The following CNST variants were observed in gnomAD, a reference collection of about 807,000 sequenced individuals.
CNST encodes the protein consortin, connexin sorting protein.
CNST carries 39 observed loss-of-function variants against 72.4 expected under a neutral mutation model. The ratio of observed to expected loss-of-function variants is 0.54; its 90% CI spans 0.42 to 0.70. CNST has a LOEUF of 0.70. CNST is among the 30% of genes least tolerant of loss of function. The probability of loss-of-function intolerance (pLI) is 0.00; values close to 1 mark genes in which losing one functional copy is unlikely to be tolerated. For missense variants in CNST, 871 were observed against 868.5 expected, an observed-to-expected ratio of 1.00 and a Z score of -0.04; for synonymous variants, 332 against 320.1, an observed-to-expected ratio of 1.04 and a Z score of -0.40.
intron 1 of CNST, among the ~76,000 whole-genome samples, chr1:246,570,436 C>T (rs1659997561): frequency 6.6e-6 from 1 of 152,182 alleles, no homozygotes; most frequent in South Asian, 2.1e-4. Context: ...CTAAATTAGC[C>T]TGAAGGCCTA....
chr1:246,567,999 T>G (rs1234729613), intron 1 of CNST, among the ~76,000 whole-genome samples: 7 of 152,120 alleles, frequency 4.6e-5, no homozygotes, highest in Middle Eastern at 3.2e-3. Context: ...TTTCTGACTT[T>G]TTAAAAAAAA....
intron 10 of CNST, among the ~76,000 whole-genome samples, chr1:246,664,718 A>T (rs113643248): frequency 1.2e-3 from 179 of 152,070 alleles, no homozygotes; most frequent in Non-Finnish European, 2.1e-3. Context: ...GAGCCACCAC[A>T]CCCAGCCTTA....
chr1:246,654,915 C>G (rs1004502206), intron 9 of CNST, among the ~76,000 whole-genome samples: 1 of 152,016 alleles, frequency 6.6e-6, no homozygotes, highest in Admixed American at 6.6e-5. Context: ...AGTCCCTGCT[C>G]TCATAAAGCT....
intron 8 of CNST, among the ~76,000 whole-genome samples, chr1:246,645,719 G>T (rs563792432): frequency 6.6e-6 from 1 of 151,880 alleles, no homozygotes; most frequent in Non-Finnish European, 1.5e-5. Flanking sequence ...GAGCCACCGC[G>T]CCCGGCCAAA....
intron 6 of CNST, 134 bp from the exon 7 acceptor site, chr1:246,641,615 G>A (rs934239616): frequency 1.1e-4 from 69 of 614,334 alleles, no homozygotes; most frequent in African/African-American, 9.6e-4. Context: ...TGTTTCAGCC[G>A]TGGAAATGTT....
intron 1 of CNST, among the ~76,000 whole-genome samples, chr1:246,583,416 T>C (rs1660924017): frequency 6.6e-6 from 1 of 152,202 alleles, no homozygotes; most frequent in African/African-American, 2.4e-5. Context: ...TGTAGCAAAG[T>C]TTTTTTGAGA....
At chr1:246,589,369 G>A (rs1258508648) in intron 1 of CNST, among the ~76,000 whole-genome samples, 2 of 150,662 alleles carry the variant, frequency 1.3e-5, no homozygotes, top group Admixed American at 6.7e-5. Context: ...GCGGTGTTTG[G>A]TTTTTTGTCC....
At chr1:246,634,174 T>C (rs573212933) in intron 5 of CNST, 164 bp downstream of exon 5, 3 of 582,170 alleles carry the variant, frequency 5.2e-6, no homozygotes, top group East Asian at 5.7e-5. Flanking sequence ...GTCTATTATA[T>C]TGTGAGAAGA....
chr1:246,586,383 CAA>C (rs1661200980), intron 1 of CNST, among the ~76,000 whole-genome samples: 1 of 146,502 alleles, frequency 6.8e-6, no homozygotes, highest in African/African-American at 2.5e-5. Context: ...AGATCTATAT[CAA>C]AGATATATCA....
chr1:246,631,797 A>G lies in CNST; in HGVS notation c.586-97A>G, dbSNP rs570921879. On this transcript the variant is annotated intron_variant, in intron 3 of 10. Coordinates refer to ENST00000366513, the MANE Select transcript of CNST (RefSeq NM_152609.3). ...AAAGAGTTTTCTTAATTTGATATCA[A>G]AAACATTTGGAATTTCAAGATCTTA... 9.5e-6 allele frequency: 8 copies of G among 837,940 alleles called. No individual in the cohort carries two copies. In the South Asian group the frequency reaches 1.2e-4, roughly 12 times the overall value. The allele number at this position is 837,940 out of a possible 1,614,324, so 51.9% of individuals were successfully genotyped here.
In CNST at chr1:246,605,467, G is replaced by A. The variant is rs7521350; in HGVS notation, c.379+13526G>A. On this transcript the variant is annotated intron_variant, in intron 2 of 10. Transcript: ENST00000366513. ...GCGCGCCAACAGACAGCACAAGGCG[G>A]TGTGGAGCATCACGCTGTTTTAATG... 8.5e-4 allele frequency among the ~76,000 whole-genome samples: 130 copies of A among 152,338 alleles called. 2 individuals carry two copies. The South Asian group carries it at 0.025, about 29-fold the overall frequency.
chr1:246,586,230 C>G (rs1165842881), intron 1 of CNST, among the ~76,000 whole-genome samples: 1 of 140,320 alleles, frequency 7.1e-6, no homozygotes. Flanking sequence ...TAATATATAC[C>G]TTTTATTATA....
intron 3 of CNST, among the ~76,000 whole-genome samples, chr1:246,629,437 G>C (rs1033861301): frequency 6.6e-6 from 1 of 152,124 alleles, no homozygotes; most frequent in African/African-American, 2.4e-5. Context: ...AACCTTCTCT[G>C]CATAGTTACT....
chr1:246,655,870 T>C (rs1394128998), intron 9 of CNST, among the ~76,000 whole-genome samples: 1 of 152,198 alleles, frequency 6.6e-6, no homozygotes, highest in African/African-American at 2.4e-5. Context: ...GAAAATTAAA[T>C]ATGATATAGT....
In CNST at chr1:246,647,267, G is replaced by A. The variant is rs1340982369; in HGVS notation, c.1066G>A (p.Gly356Arg). Residue 356 changes from glycine to arginine, a missense_variant, in exon 9 of 11, where the codon GGA (glycine) becomes AGA (arginine). By Grantham distance (125) the Gly-to-Arg change is moderately radical. Coordinates refer to ENST00000366513, the MANE Select transcript of CNST (RefSeq NM_152609.3). ...TTCCCCAAGCCTTTCGGTAACTGCA[G>A]GAAAGGACCACATGGAGGAGCTGCT... Reference protein sequence around the residue: ...TDSPSLSVTAGKDHMEELLCS... With the variant: ...TDSPSLSVTARKDHMEELLCS... 3 of 1,614,162 alleles carry A rather than the reference G, an allele frequency of 1.9e-6. No homozygotes were observed. Among genetic ancestry groups the A allele is most frequent in the Non-Finnish European group, 2.5e-6 (3 of 1,180,020 alleles).
chr1:246,642,166 T>G, intron 8 of CNST, 129 bp downstream of exon 8: 1 of 531,224 alleles, frequency 1.9e-6, no homozygotes, highest in Non-Finnish European at 3.2e-6. Context: ...CACTTACATT[T>G]TTGTACATAT....
intron 9 of CNST, among the ~76,000 whole-genome samples, chr1:246,652,342 G>A (rs990709047): frequency 1.1e-4 from 16 of 152,168 alleles, no homozygotes; most frequent in Admixed American, 7.2e-4. Flanking sequence ...ACGGGGGTGC[G>A]CACTCAGCTT....
intron 1 of CNST, among the ~76,000 whole-genome samples, chr1:246,584,608 ATTGAT>A (rs1661016287): frequency 6.6e-6 from 1 of 152,122 alleles, no homozygotes; most frequent in South Asian, 2.1e-4. Context: ...GCATGATGAG[ATTGAT>A]TTGAAGACAG....
chr1:246,568,640 A>G (rs1044756159), intron 1 of CNST, among the ~76,000 whole-genome samples: 2 of 152,150 alleles, frequency 1.3e-5, no homozygotes, highest in African/African-American at 4.8e-5. Flanking sequence ...GGCTGGTGCC[A>G]TCTCGGTTCA....
Sources: allele counts gnomAD v4.1 joint callset (sites outside exome capture counted in the v4.1 genomes callset), GRCh38; gene constraint gnomAD v4.1.1; transcripts MANE v1.5; gene names NCBI Gene and HGNC (gene_info 2026-07-23, HGNC 2026-07-21).